Variants in TLK1 observed in about 807,000 individuals in gnomAD.
TLK1 encodes serine/threonine-protein kinase tousled-like 1.
TLK1 carries 24 observed loss-of-function variants against 105.3 expected under a neutral mutation model. The ratio of observed to expected loss-of-function variants is 0.23; its 90% CI spans 0.17 to 0.32. TLK1 has a LOEUF of 0.32. Among genes scored for constraint, TLK1 ranks in the 10% least tolerant of loss-of-function variants. TLK1 has a pLI of 1.00. For synonymous variants in TLK1, 321 were observed against 310.4 expected (o/e 1.03, Z -0.36); for missense variants, 558 against 910.5 (o/e 0.61, Z 4.98).
At chr2:171,003,911 T>C (rs1396683831) in intron 18 of TLK1, among the ~76,000 whole-genome samples, 1 of 152,210 alleles carries the variant, frequency 6.6e-6, no homozygotes, top group Non-Finnish European at 1.5e-5. Flanking sequence ...GACAAGTATC[T>C]ACATATATTT....
intron 1 of TLK1, chr2:171,154,567 G>A (rs1047893033): frequency 2.0e-5 from 3 of 152,144 alleles, no homozygotes; most frequent in Non-Finnish European, 4.4e-5. Context: ...GTAATTCTTA[G>A]TTTATGGAAC....
intron 6 of TLK1, 76 bp downstream of exon 6, chr2:171,056,395 C>A: frequency 1.7e-6 from 2 of 1,205,236 alleles, no homozygotes; most frequent in Admixed American, 4.2e-5. Flanking sequence ...CAATAAAAAA[C>A]AACAAATTAT....
intron 18 of TLK1, among the ~76,000 whole-genome samples, chr2:171,002,043 C>A (rs1216078683): frequency 1.3e-5 from 2 of 152,078 alleles, no homozygotes; most frequent in South Asian, 2.1e-4. Context: ...TCACAAAGTG[C>A]TGAGATTACA....
intron 10 of TLK1, among the ~76,000 whole-genome samples, chr2:171,048,760 A>G (rs1350525133): frequency 6.6e-6 from 1 of 152,248 alleles, no homozygotes; most frequent in Non-Finnish European, 1.5e-5. Context: ...CCTAGGAGGC[A>G]GTGTTTGAAC....
At chr2:171,018,461 T>C (rs1262533942) in intron 12 of TLK1, among the ~76,000 whole-genome samples, 4 of 152,246 alleles carry the variant, frequency 2.6e-5, no homozygotes, top group Non-Finnish European at 5.9e-5. Flanking sequence ...TACAATAGTT[T>C]GAACAACTTA....
rs905068339 is a variant in TLK1, at chr2:170,992,675, T to C, written c.*1105A>G. The C allele has an allele frequency of 6.6e-6, 1 of 152,636 alleles. No individual in the cohort carries two copies. The highest frequency in any genetic ancestry group is 2.4e-5 in the African/African-American group (1 of 41,468). The allele number at this position is 152,636 out of a possible 1,614,324, so 9.5% of individuals were successfully genotyped here. On this transcript the variant is annotated 3_prime_UTR_variant, in exon 21 of 21. Transcript: ENST00000431350. ...ATCACTTTTACATCTTGATTGTTAA[T>C]GACTGTCTGCTTTTTAATATCTATG...
chr2:171,229,338 T>G (rs1412170507), intron 1 of TLK1, among the ~76,000 whole-genome samples: 1 of 152,220 alleles, frequency 6.6e-6, no homozygotes, highest in Non-Finnish European at 1.5e-5. Context: ...GATATTTGCC[T>G]GTCTTCCTCA....
intron 1 of TLK1, among the ~76,000 whole-genome samples, chr2:171,143,976 C>T (rs1401960810): frequency 6.6e-6 from 1 of 151,908 alleles, no homozygotes; most frequent in Non-Finnish European, 1.5e-5. Flanking sequence ...AAAATACAAA[C>T]GGGACAGGAT....
At chr2:171,097,546 T>C (rs1689501565) in intron 2 of TLK1, among the ~76,000 whole-genome samples, 2 of 152,158 alleles carry the variant, frequency 1.3e-5, no homozygotes, top group Non-Finnish European at 2.9e-5. Flanking sequence ...ATCTACATAA[T>C]GGGACAAAAT....
chr2:171,056,445 C>T, intron 6 of TLK1, 26 bp downstream of exon 6: 1 of 1,598,942 alleles, frequency 6.3e-7, no homozygotes, highest in Non-Finnish European at 8.6e-7. Context: ...AAAGACTACA[C>T]ATGAAAAACT....
chr2:171,057,792 A>G (rs1018285479), intron 5 of TLK1, among the ~76,000 whole-genome samples: 1 of 152,028 alleles, frequency 6.6e-6, no homozygotes, highest in African/African-American at 2.4e-5. Context: ...GTGTTCTATT[A>G]TTGCTCAAGG....
At chr2:171,057,207 AAAT>A in intron 5 of TLK1, among the ~76,000 whole-genome samples, 1 of 152,194 alleles carries the variant, frequency 6.6e-6, no homozygotes, top group East Asian at 1.9e-4. Context: ...TGGGAAAAGA[AAAT>A]AACTTGCTGC....
At chr2:171,065,726 G>C (rs890901321) in intron 3 of TLK1, among the ~76,000 whole-genome samples, 5 of 147,322 alleles carry the variant, frequency 3.4e-5, no homozygotes, top group Admixed American at 1.3e-4. Context: ...TTTTAGTAGA[G>C]GGGGGTTTCA....
rs1377707568 is a variant in TLK1 at position 171,189,322 on chromosome 2, A to G, written c.-6+41823T>C. On this transcript the variant is annotated intron_variant, in intron 1 of 20. Coordinates refer to the TLK1 transcript ENST00000521943. ...GCTGGGATTACAGGCGCCCACCACCATGCCCTGTTAAGTTTTTACACTTTT... is the reference window on the plus strand; with the variant it reads ...GCTGGGATTACAGGCGCCCACCACCGTGCCCTGTTAAGTTTTTACACTTTT... Among the ~76,000 whole-genome samples, 4 of 152,130 alleles carry G rather than the reference A, an allele frequency of 2.6e-5. No homozygotes were observed. The East Asian group carries it at 7.7e-4, about 29-fold the overall frequency.
chr2:171,032,676 T>C (rs1297374591), intron 11 of TLK1, among the ~76,000 whole-genome samples: 1 of 152,116 alleles, frequency 6.6e-6, no homozygotes, highest in East Asian at 1.9e-4. Flanking sequence ...AATACACATA[T>C]ATACCTATGA....
At chr2:171,202,705 C>T (rs1374279732) in intron 1 of TLK1, among the ~76,000 whole-genome samples, 1 of 152,054 alleles carries the variant, frequency 6.6e-6, no homozygotes, top group African/African-American at 2.4e-5. Context: ...TGCAGTGAGC[C>T]GAGATTGCAC....
chr2:171,017,852 A>T (rs1685282681), intron 12 of TLK1, among the ~76,000 whole-genome samples: 1 of 152,192 alleles, frequency 6.6e-6, no homozygotes, highest in Non-Finnish European at 1.5e-5. Context: ...ACTATGTCTT[A>T]AATAGATAGA....
chr2:171,110,698 G>T (rs1006397301), intron 2 of TLK1, among the ~76,000 whole-genome samples: 2 of 152,146 alleles, frequency 1.3e-5, no homozygotes, highest in Non-Finnish European at 2.9e-5. Context: ...CAGATCAGTG[G>T]TTGCCAGAGG....
At chr2:171,135,325 A>G (rs1016044566) in intron 1 of TLK1, among the ~76,000 whole-genome samples, 18 of 57,354 alleles carry the variant, frequency 3.1e-4, no homozygotes, top group African/African-American at 8.4e-4. Flanking sequence ...GTGTGTATAT[A>G]TATATATATA....
Sources: gnomAD v4.1 joint callset for allele counts (sites outside exome capture counted in the v4.1 genomes callset) on GRCh38, gnomAD v4.1.1 for gene constraint, MANE v1.5 for transcripts, NCBI Gene and HGNC (gene_info 2026-07-23, HGNC 2026-07-21) for gene names.